The following ZC3H12B variants were observed in gnomAD, a reference collection of about 807,000 sequenced individuals.
ZC3H12B encodes the protein probable ribonuclease ZC3H12B.
ZC3H12B carries 7 observed loss-of-function variants against 43.9 expected under a neutral mutation model. The observed-to-expected ratio is 0.16, with a 90% CI of 0.09 to 0.30. The LOEUF (loss-of-function observed/expected upper bound fraction) is 0.30. ZC3H12B is among the 10% of genes least tolerant of loss of function. The pLI, the probability that ZC3H12B is intolerant of heterozygous loss-of-function variation, is 1.00. For synonymous variants in ZC3H12B, 222 were observed against 241.7 expected, an observed-to-expected ratio of 0.92 and a Z score of 0.76; for missense variants, 475 against 670.2, an observed-to-expected ratio of 0.71 and a Z score of 3.22.
chrX:65,361,310 A>AT, the ZC3H12B span, among the ~76,000 whole-genome samples: 3 of 111,874 alleles, frequency 2.7e-5, no homozygotes, highest in Non-Finnish European at 5.6e-5. Flanking sequence ...CTGATTGTTG[A>AT]TTTTTTTAGC....
the ZC3H12B span, among the ~76,000 whole-genome samples, chrX:65,070,030 T>A: frequency 1.8e-5 from 2 of 110,389 alleles, no homozygotes; most frequent in African/African-American, 6.6e-5. Context: ...TACAGATTTT[T>A]TTTTTTTTTT....
At chrX:65,463,798 TC>T (rs1271424104) in intron 3 of ZC3H12B, among the ~76,000 whole-genome samples, 1 of 111,318 alleles carries the variant, frequency 9.0e-6, no homozygotes, top group African/African-American at 3.3e-5. Context: ...CAGAAACCAG[TC>T]TTTTTAGGCA....
chrX:65,279,425 C>T, the ZC3H12B span, among the ~76,000 whole-genome samples: 1 of 109,042 alleles, frequency 9.2e-6, no homozygotes, highest in Non-Finnish European at 1.9e-5. Context: ...GATTGTTGGC[C>T]ACATGTATGT....
chrX:65,431,209 A>G (rs903684542), intron 3 of ZC3H12B, among the ~76,000 whole-genome samples: 14 of 112,645 alleles, frequency 1.2e-4, no homozygotes, highest in African/African-American at 4.2e-4. Flanking sequence ...CTGTAAGTCC[A>G]TGGATGGTAG....
the ZC3H12B span, among the ~76,000 whole-genome samples, chrX:65,334,288 T>A: frequency 8.9e-6 from 1 of 112,206 alleles, no homozygotes; most frequent in Non-Finnish European, 1.9e-5. Context: ...GCTAATATGT[T>A]CACATGCAGA....
chrX:65,057,009 C>G, the ZC3H12B span, among the ~76,000 whole-genome samples: 3 of 111,971 alleles, frequency 2.7e-5, no homozygotes, highest in African/African-American at 9.8e-5. Flanking sequence ...CTCCTGAATA[C>G]AGCACAGTGA....
the ZC3H12B span, among the ~76,000 whole-genome samples, chrX:65,062,679 T>G: frequency 3.6e-5 from 4 of 112,072 alleles, no homozygotes; most frequent in Admixed American, 2.8e-4. Context: ...TAAAGTAGTT[T>G]TTGTAATTCT....
At chrX:65,310,454 G>A in the ZC3H12B span, among the ~76,000 whole-genome samples, 2 of 111,461 alleles carry the variant, frequency 1.8e-5, no homozygotes, top group Non-Finnish European at 3.8e-5. Context: ...GGGACGTGAA[G>A]GACCTCTTCA....
At chrX:65,109,319 A>G in the ZC3H12B span, among the ~76,000 whole-genome samples, 3 of 111,654 alleles carry the variant, frequency 2.7e-5, no homozygotes, top group Non-Finnish European at 5.7e-5. Flanking sequence ...TACCCCAAAA[A>G]TAAATCCTGC....
chrX:65,453,685 G>A (rs948241983), intron 3 of ZC3H12B, among the ~76,000 whole-genome samples: 4 of 108,353 alleles, frequency 3.7e-5, no homozygotes, highest in African/African-American at 6.7e-5. Flanking sequence ...TCATGCCACC[G>A]CACTCGAGCC....
At chrX:65,490,268 G>T (rs1436391382) in intron 1 of ZC3H12B, among the ~76,000 whole-genome samples, 1 of 106,659 alleles carries the variant, frequency 9.4e-6, no homozygotes, top group Admixed American at 1.0e-4. Flanking sequence ...AGCAAGATCA[G>T]AATAAGTAGA....
At chrX:65,359,279 C>G in the ZC3H12B span, among the ~76,000 whole-genome samples, 1 of 111,894 alleles carries the variant, frequency 8.9e-6, no homozygotes, top group Non-Finnish European at 1.9e-5. Context: ...GGCATTCATC[C>G]TGCAGCCTAG....
chrX:65,245,852 AG>A, the ZC3H12B span, among the ~76,000 whole-genome samples: 2 of 110,857 alleles, frequency 1.8e-5, no homozygotes, highest in African/African-American at 6.6e-5. Context: ...CAGGGCAATC[AG>A]GCAAGAGACA....
chrX:65,393,232 A>G (rs754327703), intron 2 of ZC3H12B, among the ~76,000 whole-genome samples: 40 of 111,467 alleles, frequency 3.6e-4, no homozygotes, highest in African/African-American at 1.1e-3. Context: ...GAAACACCCA[A>G]GAATGATCAA....
At chrX:65,438,860 T>A (rs1197084727) in intron 3 of ZC3H12B, among the ~76,000 whole-genome samples, 1 of 113,081 alleles carries the variant, frequency 8.8e-6, no homozygotes, top group Non-Finnish European at 1.9e-5. Flanking sequence ...ATTATGGACA[T>A]GTTACATTGC....
the ZC3H12B span, among the ~76,000 whole-genome samples, chrX:65,130,985 A>T: frequency 8.9e-6 from 1 of 112,238 alleles, no homozygotes; most frequent in Middle Eastern, 4.2e-3. Context: ...AAGAGCTTTT[A>T]TTAAAGAGGC....
the ZC3H12B span, among the ~76,000 whole-genome samples, chrX:65,152,835 C>G: frequency 4.5e-5 from 5 of 111,820 alleles, no homozygotes; most frequent in African/African-American, 1.3e-4. Context: ...TCAAACTATA[C>G]TACAAGGCTA....
chrX:65,119,955 G>C, the ZC3H12B span, among the ~76,000 whole-genome samples: 1 of 111,703 alleles, frequency 9.0e-6, no homozygotes, highest in Non-Finnish European at 1.9e-5. Flanking sequence ...TCAGATGGTT[G>C]TAGATAAGTG....
the ZC3H12B span, among the ~76,000 whole-genome samples, chrX:65,253,594 T>A: frequency 9.0e-6 from 1 of 110,836 alleles, no homozygotes; most frequent in Non-Finnish European, 1.9e-5. Context: ...AACAAGGGAA[T>A]CTTCCTGATG....
Sources: allele counts gnomAD v4.1 joint callset (sites outside exome capture counted in the v4.1 genomes callset), GRCh38; gene constraint gnomAD v4.1.1; transcripts MANE v1.5; gene names NCBI Gene and HGNC (gene_info 2026-07-23, HGNC 2026-07-21).